CFAP47: variants seen among roughly 807,000 people sequenced by gnomAD.
The protein encoded by CFAP47 is cilia- and flagella-associated protein 47.
In CFAP47, 29 loss-of-function variants were observed where a neutral mutation model predicts 148.1. The ratio of observed to expected loss-of-function variants is 0.20; its 90% CI spans 0.15 to 0.27. CFAP47 has a LOEUF of 0.27. CFAP47 is among the 10% of genes least tolerant of loss of function. The pLI, the probability that CFAP47 is intolerant of heterozygous loss-of-function variation, is 1.00. For synonymous variants in CFAP47, 664 were observed against 577.3 expected, an observed-to-expected ratio of 1.15 and a Z score of -2.15; for missense variants, 1,872 against 1,697.5, an observed-to-expected ratio of 1.10 and a Z score of -1.81.
intron 57 of CFAP47, among the ~76,000 whole-genome samples, chrX:36,335,407 C>A (rs2146974757): frequency 9.0e-6 from 1 of 111,478 alleles, no homozygotes; most frequent in Admixed American, 9.6e-5. Context: ...GATAAGCTAA[C>A]AAATACCCCC....
Position 35,975,833 on chromosome X carries a change from G to A in CFAP47, c.2633G>A (p.Arg878His), listed in dbSNP as rs778368100. The change falls in exon 15 of 64, where the codon CGT becomes CAT. Residue 878 changes from arginine to histidine, a missense_variant. By Grantham distance (29) the Arg-to-His change is conservative. Transcript: ENST00000378653. ...CGGGGGACAGTTAGATTGTATAATC[G>A]TCAGAATTGTTGTGCTCAGTTTCAA... is the stretch of plus-strand genomic sequence containing the variant. The part of the protein sequence containing the change: ...CFRGTVRLYN[R>H]QNCCAQFQWQ... 2.2e-5 allele frequency: 26 copies of A among 1,207,955 alleles called. No individual in the cohort carries two copies. The highest frequency in any genetic ancestry group is 8.8e-5 in the Admixed American group (4 of 45,650).
At position 36,337,811 on chromosome X, in the gene CFAP47, C is replaced by T. The variant is rs984694412; in HGVS notation, c.8444-10318C>T. On this transcript the variant is annotated intron_variant, in intron 57 of 63. Coordinates refer to ENST00000378653, the MANE Select transcript of CFAP47 (RefSeq NM_001304548.2). ...CAGTTTACTGAATCCCATACCTACT[C>T]AATCATGTGAAGCTGTCCAATTTTC... Among the ~76,000 whole-genome samples, 52 of 106,561 alleles carry T rather than the reference C, an allele frequency of 4.9e-4. 1 individual carries two copies. Among genetic ancestry groups the T allele is most frequent in the Non-Finnish European group, 1.4e-4 (7 of 51,776 alleles). 92.5% of individuals were successfully genotyped at this position (106,561 alleles called of 115,157 possible).
chrX:36,373,873 T>C (rs1941996177), intron 62 of CFAP47, among the ~76,000 whole-genome samples: 1 of 112,253 alleles, frequency 8.9e-6, no homozygotes, highest in African/African-American at 3.2e-5. Flanking sequence ...GTTGATTGAT[T>C]TGCATATGCT....
intron 1 of CFAP47, among the ~76,000 whole-genome samples, chrX:35,923,918 T>C (rs1376674647): frequency 2.8e-5 from 2 of 71,985 alleles, no homozygotes; most frequent in East Asian, 9.1e-4. Context: ...TGTGTATATA[T>C]GTACATATAT....
intron 51 of CFAP47, among the ~76,000 whole-genome samples, chrX:36,291,551 T>C (rs782506074): frequency 9.0e-6 from 1 of 110,658 alleles, no homozygotes; most frequent in East Asian, 2.8e-4. Flanking sequence ...CTCTGCCTTC[T>C]TCCGTAAATG....
chrX:36,138,343 T>C lies in CFAP47; in HGVS notation c.5419-5T>C. The C allele has an allele frequency of 9.0e-7, 1 of 1,110,286 alleles. No individual in the cohort carries two copies. Among genetic ancestry groups the C allele is most frequent in the Non-Finnish European group, 1.2e-6 (1 of 849,073 alleles). 91.5% of individuals were successfully genotyped at this position (1,110,286 alleles called of 1,213,427 possible). On this transcript the variant is annotated splice_polypyrimidine_tract_variant and splice_region_variant and intron_variant, in intron 34 of 63. Transcript: ENST00000378653. Reference sequence around the variant, plus strand: ...CCAAAAGGTTTGATTTTTTTTTTTTTACAGATTGAGTCTCATTTTATAAAT... The same window carrying C: ...CCAAAAGGTTTGATTTTTTTTTTTTCACAGATTGAGTCTCATTTTATAAAT...
intron 22 of CFAP47, among the ~76,000 whole-genome samples, chrX:36,029,608 G>A (rs1016658183): frequency 1.2e-4 from 13 of 110,208 alleles, no homozygotes; most frequent in Non-Finnish European, 2.3e-4. Context: ...TTTCAAATGG[G>A]GAACTCATGT....
Position 35,971,975 on chromosome X carries a change from C to T in CFAP47, c.2254+10C>T. 2 of 1,005,148 alleles carry T rather than the reference C, an allele frequency of 2.0e-6. No individual in the cohort carries two copies. Among genetic ancestry groups the T allele is most frequent in the Non-Finnish European group, 2.8e-6 (2 of 725,970 alleles). 82.8% of individuals were successfully genotyped at this position (1,005,148 alleles called of 1,213,427 possible). On this transcript the variant is annotated intron_variant, in intron 13 of 63. Coordinates refer to ENST00000378653, the MANE Select transcript of CFAP47 (RefSeq NM_001304548.2). ...CATCAAGTAATTGTTGGTGAGAATA[C>T]ACAAAAACCTACTACAGCCTTTATT...
intron 33 of CFAP47, among the ~76,000 whole-genome samples, chrX:36,106,258 T>G (rs916343321): frequency 8.9e-6 from 1 of 112,276 alleles, no homozygotes; most frequent in East Asian, 2.8e-4. Flanking sequence ...TCTGAATAAA[T>G]TAGACAAGAT....
intron 33 of CFAP47, among the ~76,000 whole-genome samples, chrX:36,112,596 T>G (rs762671238): frequency 7.2e-5 from 8 of 111,679 alleles, no homozygotes; most frequent in African/African-American, 9.8e-5. Context: ...GGGTGGATAG[T>G]TCTGTAGATG....
intron 51 of CFAP47, among the ~76,000 whole-genome samples, chrX:36,289,025 G>A: frequency 1.0e-5 from 1 of 96,894 alleles, no homozygotes; most frequent in Non-Finnish European, 2.1e-5. Context: ...TTTTTGATGG[G>A]GTTTTGCTCT....
chrX:36,253,803 A>G (rs1157302907), intron 49 of CFAP47, among the ~76,000 whole-genome samples: 1 of 111,368 alleles, frequency 9.0e-6, no homozygotes, highest in African/African-American at 3.3e-5. Flanking sequence ...CTCCACTATC[A>G]AATAACTTTT....
chrX:36,292,964 A>G (rs1319805437), intron 51 of CFAP47, among the ~76,000 whole-genome samples: 1 of 111,445 alleles, frequency 9.0e-6, no homozygotes, highest in East Asian at 2.8e-4. Flanking sequence ...TACATAATAT[A>G]TAATGTATAA....
chrX:36,171,857 G>A (rs1310358402), intron 39 of CFAP47, among the ~76,000 whole-genome samples: 50 of 109,466 alleles, frequency 4.6e-4, no homozygotes, highest in Non-Finnish European at 7.1e-4. Flanking sequence ...AGCTTGATGG[G>A]GATGGCATTG....
intron 33 of CFAP47, among the ~76,000 whole-genome samples, chrX:36,115,149 G>A (rs1290531518): frequency 8.9e-6 from 1 of 111,854 alleles, no homozygotes; most frequent in African/African-American, 3.3e-5. Flanking sequence ...CATCTTCCTT[G>A]TCTTGTAACA....
intron 48 of CFAP47, among the ~76,000 whole-genome samples, chrX:36,238,223 C>T (rs1185928122): frequency 9.0e-6 from 1 of 110,913 alleles, no homozygotes; most frequent in Non-Finnish European, 1.9e-5. Context: ...ATGCTGTTCT[C>T]GTGATAATGA....
At chrX:36,218,833 A>C (rs893613919) in intron 45 of CFAP47, among the ~76,000 whole-genome samples, 1 of 111,979 alleles carries the variant, frequency 8.9e-6, no homozygotes. Context: ...TCTCAATGTG[A>C]GGACAGGGAG....
intron 36 of CFAP47, among the ~76,000 whole-genome samples, chrX:36,146,778 CTT>C (rs568139660): frequency 0.082 from 7,184 of 87,584 alleles, 668 homozygotes; most frequent in African/African-American, 0.27. Flanking sequence ...TATTTCTTTT[CTT>C]TTTTTTTTTT....
Position 36,176,184 on chromosome X carries a change from A to T in CFAP47, c.6027-3161A>T, listed in dbSNP as rs757386665. On this transcript the variant is annotated intron_variant, in intron 39 of 63. Transcript: ENST00000378653. ...TCGTGCATGGTGTGCGCACCCACTG[A>T]CCTGTGCCCACTGTCTGGCACTCCC... is the stretch of plus-strand genomic sequence containing the variant. Among the ~76,000 whole-genome samples the T allele has an allele frequency of 1.6e-4, 18 of 112,164 alleles. No individual in the cohort carries two copies. The East Asian group carries it at 3.1e-3, about 19-fold the overall frequency.
Sources: gnomAD v4.1 joint callset for allele counts (sites outside exome capture counted in the v4.1 genomes callset) on GRCh38, gnomAD v4.1.1 for gene constraint, MANE v1.5 for transcripts, NCBI Gene and HGNC (gene_info 2026-07-23, HGNC 2026-07-21) for gene names.